The following SHISA7 variants were observed in gnomAD, a reference collection of about 807,000 sequenced individuals.
The protein encoded by SHISA7 is shisa family member 7, also known as protein shisa-7.
A neutral mutation model predicts 23.9 loss-of-function variants in SHISA7; 6 were observed. The observed-to-expected ratio is 0.25, with a 90% CI of 0.14 to 0.50. SHISA7 has a LOEUF of 0.50. Ranked by LOEUF, SHISA7 falls within the 20% of genes least tolerant of loss-of-function variation. SHISA7 has a pLI of 0.98. For synonymous variants in SHISA7, 386 were observed against 398.3 expected (o/e 0.97, Z 0.37); for missense variants, 671 against 801.1 (o/e 0.84, Z 1.96).
At position 55,433,773 on chromosome 19, in the gene SHISA7, A is replaced by G; in HGVS notation, c.1000T>C (p.Tyr334His). The change falls in exon 4 of 4, where the codon TAC becomes CAC. Residue 334 changes from tyrosine (Y) to histidine (H), a missense_variant. This residue lies in a region of SHISA7 where 457 missense variants were observed against 488.3 expected (regional missense o/e 0.94). Transcript: ENST00000376325. This position sits in a 1 kb window ranked among gnomAD's most constrained non-coding sequence, Gnocchi z 8.4. ...RLAEKDLDEA[Y>H]LKRRPLELPR... is the part of the protein sequence containing the mutation. Reference sequence around the variant, plus strand: ...AATTCCAGGGGCCGGCGCTTCAGGTAGGCCTCGTCCAGATCCTTCTCGGCT... The same window carrying G: ...AATTCCAGGGGCCGGCGCTTCAGGTGGGCCTCGTCCAGATCCTTCTCGGCT... 2.1e-6 allele frequency: 3 copies of G among 1,441,798 alleles called. No homozygotes were observed. Among genetic ancestry groups the G allele is most frequent in the Non-Finnish European group, 2.7e-6 (3 of 1,107,222 alleles). The allele number at this position is 1,441,798 out of a possible 1,614,324, so 89.3% of individuals were successfully genotyped here. A position where few individuals can be genotyped will look rare whatever the true frequency, so the allele number is the denominator to read the frequency against.
Position 55,437,605 on chromosome 19 carries a change from C to A in SHISA7, c.976G>T (p.Ala326Ser). ...LNRYSSLKRL[A>S]EKDLDEAYLK... ...CCGCGCTGCCCTTGCCAGGACTCAC[C>A]CAGCCTCTTGAGGGAAGAGTAGCGG... Residue 326 changes from alanine to serine, a missense_variant and splice_region_variant, in exon 3 of 4, where the codon GCC becomes TCC. Physicochemically the swap from Ala to Ser is moderately conservative, Grantham distance 99 (BLOSUM62 1). This residue lies in a region of SHISA7 where 457 missense variants were observed against 488.3 expected (regional missense o/e 0.94). Transcript: ENST00000376325. 1 of 1,551,096 alleles carries A rather than the reference C, an allele frequency of 6.4e-7. No individual in the cohort carries two copies. Among genetic ancestry groups the A allele is most frequent in the Non-Finnish European group, 8.7e-7 (1 of 1,146,696 alleles).
In SHISA7 at chr19:55,437,763, G is replaced by GAGGGGGC. The variant is rs772580769; in HGVS notation, c.827-16_827-10dup. The GAGGGGGC allele has an allele frequency of 3.0e-5, 46 of 1,548,858 alleles. No individual in the cohort carries two copies. The highest frequency in any genetic ancestry group is 3.6e-5 in the Non-Finnish European group (41 of 1,145,930). On this transcript the variant is annotated splice_polypyrimidine_tract_variant and intron_variant, in intron 2 of 3. Transcript: ENST00000376325. ...CGGCAAGGCTCGCCAGTCTGGGTTA[G>GAGGGGGC]AGGGGGCAGGGCCAGGGTCAGTCAG...
In SHISA7 at chr19:55,432,401, GGCA is replaced by G. The variant is rs1374188126; in HGVS notation, c.*752_*754del. The G allele has an allele frequency of 6.6e-6, 1 of 152,626 alleles. No homozygotes were observed. Among genetic ancestry groups the G allele is most frequent in the Non-Finnish European group, 1.5e-5 (1 of 68,026 alleles). 9.5% of individuals were successfully genotyped at this position (152,626 alleles called of 1,614,324 possible). A position where few individuals can be genotyped will look rare whatever the true frequency, so the allele number is the denominator to read the frequency against. ...CTCTGGTGATGACATCACAGGAAGAGGCACGGTCCCTCTGATGACGTCATAGGG... is the reference window on the plus strand; with the variant it reads ...CTCTGGTGATGACATCACAGGAAGAGCGGTCCCTCTGATGACGTCATAGGG... On this transcript the variant is annotated 3_prime_UTR_variant, in exon 4 of 4. Transcript: ENST00000376325. This position sits in a 1 kb window ranked among gnomAD's most constrained non-coding sequence, Gnocchi z 4.6.
In SHISA7 at chr19:55,431,131, G is replaced by C. The variant is rs949638897; in HGVS notation, c.*2025C>G. 1 of 152,246 alleles carries C rather than the reference G, an allele frequency of 6.6e-6. No homozygotes were observed. Among genetic ancestry groups the C allele is most frequent in the African/African-American group, 2.4e-5 (1 of 41,434 alleles). 9.4% of individuals were successfully genotyped at this position (152,246 alleles called of 1,614,324 possible). On this transcript the variant is annotated 3_prime_UTR_variant, in exon 4 of 4. Coordinates refer to ENST00000376325, the MANE Select transcript of SHISA7 (RefSeq NM_001145176.2). ...TAGTTGAAGTGGATACTGGGAGGTAGTGGCACATGTTTGAATGAAATCCTG... is the reference window on the plus strand; with the variant it reads ...TAGTTGAAGTGGATACTGGGAGGTACTGGCACATGTTTGAATGAAATCCTG...
Position 55,435,034 on chromosome 19 carries a change from CTGTGTGGTGTG to C in SHISA7, c.977-1249_977-1239del, listed in dbSNP as rs1257610249. On this transcript the variant is annotated intron_variant, in intron 3 of 3. Coordinates refer to ENST00000376325, the MANE Select transcript of SHISA7 (RefSeq NM_001145176.2). Reference sequence around the variant, plus strand: ...ATGTGGTGTGTGTGTGGGTGTGTGGCTGTGTGGTGTGTGTGTGGTGTGTGTGTAGTGTGTAT... The same window carrying C: ...ATGTGGTGTGTGTGTGGGTGTGTGGCTGTGTGGTGTGTGTGTAGTGTGTAT... Among the ~76,000 whole-genome samples the C allele has an allele frequency of 5.9e-4, 7 of 11,790 alleles. 1 individual carries two copies. Among genetic ancestry groups the C allele is most frequent in the Admixed American group, 2.1e-3 (2 of 972 alleles). 7.7% of individuals were successfully genotyped at this position (11,790 alleles called of 152,430 possible).
In SHISA7 at chr19:55,433,116, G is replaced by T; in HGVS notation, c.*40C>A. 1.3e-6 allele frequency: 2 copies of T among 1,494,028 alleles called. No individual in the cohort carries two copies. Among genetic ancestry groups the T allele is most frequent in the Non-Finnish European group, 8.9e-7 (1 of 1,128,264 alleles). 92.5% of individuals were successfully genotyped at this position (1,494,028 alleles called of 1,614,324 possible). ...GTCGGGGGATCCAGGCTGGGACGGG[G>T]GGCCCGGGAGGCCGCAGCCCCCCAG... is the stretch of plus-strand genomic sequence containing the variant. On this transcript the variant is annotated 3_prime_UTR_variant, in exon 4 of 4. Coordinates refer to ENST00000376325, the MANE Select transcript of SHISA7 (RefSeq NM_001145176.2). The surrounding 1 kb of genome is among the most constrained non-coding windows in gnomAD (Gnocchi z 8.4).
At position 55,440,771 on chromosome 19, in the gene SHISA7, G is replaced by T; in HGVS notation, c.672-6C>A. 1 of 1,241,022 alleles carries T rather than the reference G, an allele frequency of 8.1e-7. No homozygotes were observed. The allele number at this position is 1,241,022 out of a possible 1,614,324, so 76.9% of individuals were successfully genotyped here. A position where few individuals can be genotyped will look rare whatever the true frequency, so the allele number is the denominator to read the frequency against. Reference sequence around the variant, plus strand: ...TCAGAATGTCCACCAGAGCTCTAAAGGTGGCAGAGAGGTGGTCAAAGGCCT... The same window carrying T: ...TCAGAATGTCCACCAGAGCTCTAAATGTGGCAGAGAGGTGGTCAAAGGCCT... On this transcript the variant is annotated splice_polypyrimidine_tract_variant and splice_region_variant and intron_variant, in intron 1 of 3. Coordinates refer to ENST00000376325, the MANE Select transcript of SHISA7 (RefSeq NM_001145176.2).
At chr19:55,435,087 GTGGTGTGTGTGTA>G (rs1342958724) in intron 3 of SHISA7, among the ~76,000 whole-genome samples, 14 of 79,436 alleles carry the variant, frequency 1.8e-4, no homozygotes, top group African/African-American at 4.9e-4. Flanking sequence ...TGTGGTGTGT[GTGGTGTGTGTGTA>G]TGGTGTGTGT....
At position 55,434,585 on chromosome 19, in the gene SHISA7, GTGGT is replaced by G. The variant is rs558091718; in HGVS notation, c.977-793_977-790del. Among the ~76,000 whole-genome samples the G allele has an allele frequency of 7.8e-3, 873 of 112,370 alleles. 16 individuals carry two copies. The highest frequency in any genetic ancestry group is 0.028 in the African/African-American group (846 of 30,146). 73.7% of individuals were successfully genotyped at this position (112,370 alleles called of 152,430 possible). A position where few individuals can be genotyped will look rare whatever the true frequency, so the allele number is the denominator to read the frequency against. Reference sequence around the variant, plus strand: ...TGTGGTGTGTGTGTATGGTGTGTGTGTGGTGTGTGTGTGGTGTGGGTGTGTGGTA... The same window carrying G: ...TGTGGTGTGTGTGTATGGTGTGTGTGGTGTGTGTGGTGTGGGTGTGTGGTA... On this transcript the variant is annotated intron_variant, in intron 3 of 3. Transcript: ENST00000376325.
At chr19:55,434,548 G>GGC (rs1985329189) in intron 3 of SHISA7, among the ~76,000 whole-genome samples, 1 of 130,306 alleles carries the variant, frequency 7.7e-6, no homozygotes. Context: ...GTGGTTGTGT[G>GGC]TGTATGGTGT....
chr19:55,442,180 A>G lies in SHISA7; in HGVS notation c.671+13T>C, dbSNP rs1415725022. The G allele has an allele frequency of 6.5e-7, 1 of 1,528,642 alleles. No homozygotes were observed. The allele number at this position is 1,528,642 out of a possible 1,614,324, so 94.7% of individuals were successfully genotyped here. A position where few individuals can be genotyped will look rare whatever the true frequency, so the allele number is the denominator to read the frequency against. ...CCCAGGCTCGCAGTCCTCCCGCCCG[A>G]GAGCACACGCACCTGGGCACGTTGA... is the stretch of plus-strand genomic sequence containing the variant. On this transcript the variant is annotated intron_variant, in intron 1 of 3. Coordinates refer to ENST00000376325, the MANE Select transcript of SHISA7 (RefSeq NM_001145176.2).
chr19:55,433,413 G>C lies in SHISA7; in HGVS notation c.1360C>G (p.Leu454Val). ...GGGGGCCCCCCGGGCCCCAGCAGCA[G>C]GTTGGAGTGCGAGGCGGCCAGGCTG... ...RASLAASHSN[L>V]LLGPGGPPTP... The change falls in exon 4 of 4, where the codon CTG becomes GTG. Residue 454 changes from leucine (L) to valine (V), a missense_variant. Around this residue, in one of 5 missense-constraint regions of SHISA7, gnomAD observed 457 missense variants for 488.3 expected, o/e 0.94. Coordinates refer to ENST00000376325, the MANE Select transcript of SHISA7 (RefSeq NM_001145176.2). This position sits in a 1 kb window ranked among gnomAD's most constrained non-coding sequence, Gnocchi z 8.4. The C allele has an allele frequency of 2.3e-6, 3 of 1,326,608 alleles. No individual in the cohort carries two copies. The East Asian group carries it at 9.5e-5, about 42-fold the overall frequency. 82.2% of individuals were successfully genotyped at this position (1,326,608 alleles called of 1,614,324 possible). A position where few individuals can be genotyped will look rare whatever the true frequency, so the allele number is the denominator to read the frequency against.
intron 3 of SHISA7, among the ~76,000 whole-genome samples, chr19:55,436,382 A>G (rs1192929153): frequency 1.3e-5 from 2 of 150,678 alleles, no homozygotes; most frequent in Non-Finnish European, 2.9e-5. Flanking sequence ...ATGTGGGTGG[A>G]TCACAAGGTC....
intron 2 of SHISA7, among the ~76,000 whole-genome samples, chr19:55,439,430 C>T (rs1370479694): frequency 6.6e-6 from 1 of 152,200 alleles, no homozygotes; most frequent in South Asian, 2.1e-4. Context: ...CATCTCTGCC[C>T]TTTGCATGGG....
Position 55,433,621 on chromosome 19 carries a change from C to G in SHISA7, c.1152G>C (p.Met384Ile). 6.7e-7 allele frequency: 1 copy of G among 1,492,684 alleles called. No individual in the cohort carries two copies. Among genetic ancestry groups the G allele is most frequent in the South Asian group, 1.3e-5 (1 of 79,648 alleles). The allele number at this position is 1,492,684 out of a possible 1,614,324, so 92.5% of individuals were successfully genotyped here. ...CATCGCCCAGCAGGTGCTCCTGGGA[C>G]ATGACCCGCCGGGGGTTGGGCGCGG... ...LAPAPNPRRV[M>I]SQEHLLGDGG... Residue 384 changes from methionine to isoleucine, a missense_variant, in exon 4 of 4, where the codon ATG becomes ATC. Coordinates refer to ENST00000376325, the MANE Select transcript of SHISA7 (RefSeq NM_001145176.2). The surrounding 1 kb of genome is among the most constrained non-coding windows in gnomAD (Gnocchi z 8.4).
chr19:55,439,517 C>A (rs1985545341), intron 2 of SHISA7, among the ~76,000 whole-genome samples: 1 of 152,222 alleles, frequency 6.6e-6, no homozygotes, highest in Non-Finnish European at 1.5e-5. Flanking sequence ...CTCTCCATCA[C>A]CCTCAGGACG....
Position 55,433,696 on chromosome 19 carries a change from G to C in SHISA7, c.1077C>G (p.Gly359=). The C allele has an allele frequency of 6.8e-7, 1 of 1,478,430 alleles. No homozygotes were observed. Among genetic ancestry groups the C allele is most frequent in the South Asian group, 1.3e-5 (1 of 78,186 alleles). The allele number at this position is 1,478,430 out of a possible 1,614,324, so 91.6% of individuals were successfully genotyped here. The change falls in exon 4 of 4, where the codon GGC becomes GGG. Residue 359 remains glycine (G), a synonymous_variant. Transcript: ENST00000376325. This position sits in a 1 kb window ranked among gnomAD's most constrained non-coding sequence, Gnocchi z 8.4. ...LHALRRPGTG[G]GYRMEAWGGP... is the part of the protein sequence containing the mutation. ...CGCCCCAGGCCTCCATGCGATAGCC[G>C]CCCCCCGTGCCCGGCCGCCGCAGCG...
chr19:55,438,911 G>A (rs970918086), intron 2 of SHISA7, among the ~76,000 whole-genome samples: 33 of 151,890 alleles, frequency 2.2e-4, no homozygotes, highest in African/African-American at 7.3e-4. Flanking sequence ...TGAGGGGGTC[G>A]CCTTGCTACC....
chr19:55,436,343 C>T (rs1402045168), intron 3 of SHISA7, among the ~76,000 whole-genome samples: 3 of 151,462 alleles, frequency 2.0e-5, no homozygotes, highest in Non-Finnish European at 1.5e-5. Context: ...TAGTGGCTCA[C>T]GCCTTAATCC....
Sources: allele counts gnomAD v4.1 joint callset (sites outside exome capture counted in the v4.1 genomes callset), GRCh38; gene constraint gnomAD v4.1.1; regional missense constraint gnomAD v4.1.1; non-coding constraint Gnocchi (gnomAD v3.1); transcripts MANE v1.5; gene names NCBI Gene and HGNC (gene_info 2026-07-23, HGNC 2026-07-21).